Variants in GABRB2 observed in about 807,000 individuals in gnomAD.
GABRB2 encodes the protein gamma-aminobutyric acid receptor subunit beta-2.
Under a neutral mutation model 54.7 loss-of-function variants are expected in GABRB2, and 16 were observed. The observed-to-expected ratio is 0.29, with a 90% CI of 0.20 to 0.44. The LOEUF (loss-of-function observed/expected upper bound fraction) is 0.44, where lower values mean the gene tolerates loss of function less well. GABRB2 is among the 20% of genes least tolerant of loss of function. The pLI is 1.00. For synonymous variants in GABRB2, 244 were observed against 233.8 expected, an observed-to-expected ratio of 1.04 and a Z score of -0.40; for missense variants, 355 against 644.0, an observed-to-expected ratio of 0.55 and a Z score of 4.86.
At chr5:161,442,715 C>T (rs546421071) in intron 4 of GABRB2, among the ~76,000 whole-genome samples, 1 of 152,182 alleles carries the variant, frequency 6.6e-6, no homozygotes, top group Non-Finnish European at 1.5e-5. Flanking sequence ...ATCTGCTTTA[C>T]CCTGCCATTG....
chr5:161,389,556 T>C lies in GABRB2; in HGVS notation c.541+21419A>G, dbSNP rs1005173634. Among the ~76,000 whole-genome samples, 10 of 146,712 alleles carry C rather than the reference T, an allele frequency of 6.8e-5. No homozygotes were observed. The East Asian group carries it at 2.0e-3, about 29-fold the overall frequency. On this transcript the variant is annotated intron_variant, in intron 5 of 9. Coordinates refer to ENST00000393959, the MANE Select transcript of GABRB2 (RefSeq NM_001371727.1). ...AATGTGTATGTGGCCTGTGGGCTCTTGTGTATGTTTGTGGAGTGTGTGTGT... is the reference window on the plus strand; with the variant it reads ...AATGTGTATGTGGCCTGTGGGCTCTCGTGTATGTTTGTGGAGTGTGTGTGT...
At chr5:161,472,133 T>C (rs1758458576) in intron 3 of GABRB2, among the ~76,000 whole-genome samples, 1 of 152,026 alleles carries the variant, frequency 6.6e-6, no homozygotes, top group East Asian at 1.9e-4. Context: ...TCAGATTAAA[T>C]CTACAAATGT....
chr5:161,336,817 A>C (rs371442937), intron 5 of GABRB2, 48 bp from the exon 6 acceptor site: 112 of 1,526,888 alleles, frequency 7.3e-5, no homozygotes, highest in Middle Eastern at 3.5e-4. Flanking sequence ...CAGAAAACAA[A>C]AAAAAAAAAA....
At chr5:161,378,707 A>AGAT (rs1755379485) in intron 5 of GABRB2, among the ~76,000 whole-genome samples, 1 of 151,338 alleles carries the variant, frequency 6.6e-6, no homozygotes, top group Non-Finnish European at 1.5e-5. Flanking sequence ...TAATATATGT[A>AGAT]GATTACAATT....
At chr5:161,330,117 C>T (rs1194330220) in intron 8 of GABRB2, 1 of 151,914 alleles carries the variant, frequency 6.6e-6, no homozygotes, top group African/African-American at 2.4e-5. Context: ...TTTTTTTAAT[C>T]TGTTCAGGTC....
chr5:161,527,115 A>G (rs894108292), intron 3 of GABRB2, among the ~76,000 whole-genome samples: 4 of 151,538 alleles, frequency 2.6e-5, no homozygotes, highest in Non-Finnish European at 5.9e-5. Flanking sequence ...GAGTAATTAA[A>G]ACCACATAGT....
intron 5 of GABRB2, among the ~76,000 whole-genome samples, chr5:161,374,778 C>T (rs957226921): frequency 3.9e-5 from 6 of 152,160 alleles, no homozygotes; most frequent in Admixed American, 3.9e-4. Flanking sequence ...TACTGATCTT[C>T]ATGGGTACAC....
At chr5:161,460,268 A>ATATATGTG (rs1473728574) in intron 3 of GABRB2, among the ~76,000 whole-genome samples, 1,625 of 148,654 alleles carry the variant, frequency 0.011, 32 homozygotes, top group African/African-American at 0.038. Context: ...TTATATATAT[A>ATATATGTG]TGTGTGTGTG....
At chr5:161,354,052 C>A (rs1214423929) in intron 5 of GABRB2, among the ~76,000 whole-genome samples, 2 of 152,036 alleles carry the variant, frequency 1.3e-5, no homozygotes, top group Admixed American at 6.6e-5. Context: ...ACCAACACAG[C>A]AAATTGGTAT....
chr5:161,324,586 T>G (rs1029801548), intron 9 of GABRB2, among the ~76,000 whole-genome samples: 4 of 152,090 alleles, frequency 2.6e-5, no homozygotes, highest in Admixed American at 6.6e-5. Flanking sequence ...TGACAATGCT[T>G]GAATATGAAC....
chr5:161,375,800 T>C (rs1454776976), intron 5 of GABRB2, among the ~76,000 whole-genome samples: 2 of 152,130 alleles, frequency 1.3e-5, no homozygotes, highest in African/African-American at 2.4e-5. Flanking sequence ...ACTCAATGGG[T>C]GTTAGCTATG....
At chr5:161,483,735 A>G (rs1758835212) in intron 3 of GABRB2, among the ~76,000 whole-genome samples, 1 of 151,976 alleles carries the variant, frequency 6.6e-6, no homozygotes, top group Non-Finnish European at 1.5e-5. Context: ...AAATAAATAT[A>G]TTTATGGTTT....
chr5:161,446,860 C>A (rs1032920869), intron 4 of GABRB2, among the ~76,000 whole-genome samples: 1 of 152,054 alleles, frequency 6.6e-6, no homozygotes, highest in Non-Finnish European at 1.5e-5. Flanking sequence ...TCCCACTAGC[C>A]TCCAAGTTTT....
At chr5:161,434,929 G>A (rs1052570315) in intron 4 of GABRB2, among the ~76,000 whole-genome samples, 1 of 152,240 alleles carries the variant, frequency 6.6e-6, no homozygotes, top group East Asian at 1.9e-4. Context: ...TCCATATTGC[G>A]ACTCTGGTTT....
chr5:161,466,769 G>A lies in GABRB2; in HGVS notation c.238-6925C>T, dbSNP rs564856547. On this transcript the variant is annotated intron_variant, in intron 3 of 9. Transcript: ENST00000393959. The stretch of plus-strand genomic sequence containing the variant: ...TAATGACTATTCAACCATGAGCTTC[G>A]GCCCTCCCCTTCCCCTTCATTTATC... 4.0e-5 allele frequency among the ~76,000 whole-genome samples: 6 copies of A among 151,872 alleles called. No homozygotes were observed. The South Asian group carries it at 8.3e-4, about 21-fold the overall frequency.
chr5:161,459,069 T>C (rs1033297769), intron 4 of GABRB2: 1 of 153,162 alleles, frequency 6.5e-6, no homozygotes, highest in African/African-American at 2.4e-5. Context: ...TAAATTATCC[T>C]CACCCAGATA....
intron 9 of GABRB2, among the ~76,000 whole-genome samples, chr5:161,310,488 CT>C (rs1336435796): frequency 2.0e-5 from 3 of 147,344 alleles, no homozygotes; most frequent in Non-Finnish European, 4.6e-5. Context: ...TTGCTTGTTT[CT>C]CTCTCTCTCT....
chr5:161,380,049 C>T (rs1175460939), intron 5 of GABRB2, among the ~76,000 whole-genome samples: 3 of 152,180 alleles, frequency 2.0e-5, no homozygotes, highest in Non-Finnish European at 4.4e-5. Flanking sequence ...ATCTATGTGT[C>T]CCTAATTTTT....
chr5:161,367,883 T>A (rs957053042), intron 5 of GABRB2, among the ~76,000 whole-genome samples: 3 of 152,094 alleles, frequency 2.0e-5, no homozygotes, highest in African/African-American at 7.2e-5. Flanking sequence ...AAATAGGCAT[T>A]CTAATGGGAG....
Sources: allele counts gnomAD v4.1 joint callset (sites outside exome capture counted in the v4.1 genomes callset), GRCh38; gene constraint gnomAD v4.1.1; transcripts MANE v1.5; gene names NCBI Gene and HGNC (gene_info 2026-07-23, HGNC 2026-07-21).